ANKIB1: variants seen among roughly 807,000 people sequenced by gnomAD.
ANKIB1 encodes the protein ankyrin repeat and IBR domain containing 1, also known as ankyrin repeat and IBR domain-containing protein 1.
ANKIB1 carries 43 observed loss-of-function variants against 122.1 expected under a neutral mutation model. The ratio of observed to expected loss-of-function variants is 0.35; its 90% CI spans 0.28 to 0.45. The LOEUF (loss-of-function observed/expected upper bound fraction) is 0.45. Ranked by LOEUF, ANKIB1 falls within the 20% of genes least tolerant of loss-of-function variation. ANKIB1 has a pLI of 1.00. For missense variants in ANKIB1, 992 were observed against 1,329.5 expected, an observed-to-expected ratio of 0.75 and a Z score of 3.95; for synonymous variants, 390 against 442.0, an observed-to-expected ratio of 0.88 and a Z score of 1.48.
chr7:92,263,940 A>G (rs1239388042), intron 1 of ANKIB1, among the ~76,000 whole-genome samples: 2 of 152,212 alleles, frequency 1.3e-5, no homozygotes, highest in Admixed American at 6.5e-5. Flanking sequence ...TGGGAAATAT[A>G]AAGAGGTATA....
At chr7:92,282,668 C>T (rs2131903854) in intron 1 of ANKIB1, among the ~76,000 whole-genome samples, 1 of 152,314 alleles carries the variant, frequency 6.6e-6, no homozygotes, top group East Asian at 1.9e-4. Context: ...GAAATGTTTA[C>T]TTTTCAGTCA....
chr7:92,311,546 G>A (rs897361656), intron 3 of ANKIB1, among the ~76,000 whole-genome samples: 20 of 152,140 alleles, frequency 1.3e-4, no homozygotes, highest in South Asian at 2.1e-4. Flanking sequence ...TCTAGCTGTC[G>A]AAAATGTTTT....
intron 10 of ANKIB1, among the ~76,000 whole-genome samples, chr7:92,366,034 C>T (rs139308269): frequency 1.3e-4 from 20 of 151,596 alleles, no homozygotes; most frequent in African/African-American, 4.4e-4. Context: ...CCTCGTGATC[C>T]GCCTGCCTCA....
chr7:92,364,310 TAAAAAAAAAAAAAAAAAAA>T (rs762884822), intron 10 of ANKIB1, among the ~76,000 whole-genome samples: 4 of 33,506 alleles, frequency 1.2e-4, no homozygotes, highest in Non-Finnish European at 2.5e-4. Flanking sequence ...AGACTCCATC[TAAAAAAAAAAAAAAAAAAA>T]AAAAAAAAAA....
intron 3 of ANKIB1, among the ~76,000 whole-genome samples, chr7:92,317,950 C>T (rs1422625848): frequency 2.0e-5 from 3 of 152,162 alleles, no homozygotes; most frequent in Non-Finnish European, 4.4e-5. Flanking sequence ...ATGCATTTCA[C>T]TTCGATTTAT....
chr7:92,284,051 G>T (rs944574966), intron 1 of ANKIB1, among the ~76,000 whole-genome samples: 1 of 152,200 alleles, frequency 6.6e-6, no homozygotes, highest in African/African-American at 2.4e-5. Context: ...TTACAGACAT[G>T]AGCCACTGCA....
intron 2 of ANKIB1, among the ~76,000 whole-genome samples, chr7:92,304,511 T>G (rs986141266): frequency 6.6e-6 from 1 of 152,096 alleles, no homozygotes; most frequent in Admixed American, 6.6e-5. Flanking sequence ...TTAAATTTCT[T>G]TGTGATAAGA....
chr7:92,316,949 C>G (rs1385181257), intron 3 of ANKIB1, among the ~76,000 whole-genome samples: 6 of 152,102 alleles, frequency 3.9e-5, no homozygotes, highest in Admixed American at 1.3e-4. Context: ...TAAACCAAAT[C>G]CTGATTTTGA....
chr7:92,263,738 A>G (rs887093995), intron 1 of ANKIB1, among the ~76,000 whole-genome samples: 1 of 152,206 alleles, frequency 6.6e-6, no homozygotes, highest in Non-Finnish European at 1.5e-5. Context: ...ATCAAAATAC[A>G]TACATACATA....
At chr7:92,302,084 C>G (rs1802468953) in intron 2 of ANKIB1, among the ~76,000 whole-genome samples, 1 of 151,976 alleles carries the variant, frequency 6.6e-6, no homozygotes, top group Non-Finnish European at 1.5e-5. Flanking sequence ...CAGGTGCCTG[C>G]CACCACCCCT....
intron 3 of ANKIB1, among the ~76,000 whole-genome samples, chr7:92,310,058 T>C (rs570450532): frequency 1.0e-3 from 155 of 151,458 alleles, no homozygotes; most frequent in African/African-American, 3.7e-3. Context: ...GACATACTTA[T>C]TAAATTTTTC....
chr7:92,343,112 A>G lies in ANKIB1; in HGVS notation c.876A>G (p.Pro292=). The G allele has an allele frequency of 6.2e-7, 1 of 1,613,938 alleles. No homozygotes were observed. Among genetic ancestry groups the G allele is most frequent in the Non-Finnish European group, 8.5e-7 (1 of 1,179,864 alleles). ...CAGGTGTTCAAATGCCAACTCCACC[A>G]CCAAGTGGGTATAATGCCTGGGACA... ...QRSGVQMPTP[P]PSGYNAWDTL... The change falls in exon 6 of 20, where the codon CCA becomes CCG. Residue 292 remains proline, a synonymous_variant. Transcript: ENST00000265742.
chr7:92,304,142 T>C (rs1802507987), intron 2 of ANKIB1, among the ~76,000 whole-genome samples: 1 of 152,100 alleles, frequency 6.6e-6, no homozygotes, highest in South Asian at 2.1e-4. Flanking sequence ...GATTTTATAC[T>C]CATTATTCCA....
intron 17 of ANKIB1, among the ~76,000 whole-genome samples, chr7:92,392,702 A>C (rs1325684689): frequency 6.6e-6 from 1 of 152,080 alleles, no homozygotes; most frequent in Non-Finnish European, 1.5e-5. Flanking sequence ...CTGATTTATA[A>C]TCAGTTGCTA....
chr7:92,306,752 A>G (rs1802570602), intron 2 of ANKIB1, among the ~76,000 whole-genome samples: 1 of 152,182 alleles, frequency 6.6e-6, no homozygotes, highest in Non-Finnish European at 1.5e-5. Flanking sequence ...TATTTTTATA[A>G]TAGCTCAAGC....
At position 92,398,968 on chromosome 7, in the gene ANKIB1, C is replaced by A. The variant is rs1043271682; in HGVS notation, c.*19C>A. Reference sequence around the variant, plus strand: ...AGTGTGAACTGCACACATCTGGGCTCTAAATGAATTACAGGTACAGATGGT... The same window carrying A: ...AGTGTGAACTGCACACATCTGGGCTATAAATGAATTACAGGTACAGATGGT... On this transcript the variant is annotated 3_prime_UTR_variant, in exon 20 of 20. Transcript: ENST00000265742. 6.6e-7 allele frequency: 1 copy of A among 1,523,086 alleles called. No individual in the cohort carries two copies. The highest frequency in any genetic ancestry group is 1.3e-5 in the South Asian group (1 of 74,848). The allele number at this position is 1,523,086 out of a possible 1,614,324, so 94.3% of individuals were successfully genotyped here. A position where few individuals can be genotyped will look rare whatever the true frequency, so the allele number is the denominator to read the frequency against.
chr7:92,396,603 G>A (rs1804898564), intron 18 of ANKIB1, 127 bp downstream of exon 18: 3 of 606,798 alleles, frequency 4.9e-6, no homozygotes, highest in Non-Finnish European at 8.8e-6. Context: ...AGATGTTTCT[G>A]TTGTGACAGG....
intron 1 of ANKIB1, among the ~76,000 whole-genome samples, chr7:92,258,584 G>A (rs985284475): frequency 6.6e-6 from 1 of 152,168 alleles, no homozygotes; most frequent in Admixed American, 6.5e-5. Context: ...CGATCATTGG[G>A]AGAATTTTAG....
intron 1 of ANKIB1, among the ~76,000 whole-genome samples, chr7:92,271,194 G>C (rs1236207676): frequency 6.6e-6 from 1 of 151,884 alleles, no homozygotes; most frequent in Non-Finnish European, 1.5e-5. Context: ...ATGTCTAGTA[G>C]TTCCAACAGC....
Sources: gnomAD v4.1 joint callset for allele counts (sites outside exome capture counted in the v4.1 genomes callset) on GRCh38, gnomAD v4.1.1 for gene constraint, MANE v1.5 for transcripts, NCBI Gene and HGNC (gene_info 2026-07-23, HGNC 2026-07-21) for gene names.